Variants in FBXO34 observed in about 807,000 individuals in gnomAD.
FBXO34 encodes the protein F-box only protein 34.
FBXO34 carries 12 observed loss-of-function variants against 24.5 expected under a neutral mutation model. The observed-to-expected ratio is 0.49, with a 90% CI of 0.31 to 0.79. FBXO34 has a LOEUF of 0.79. FBXO34 is among the 30% of genes least tolerant of loss of function. The pLI, the probability that FBXO34 is intolerant of heterozygous loss-of-function variation, is 0.04. For synonymous variants in FBXO34, 320 were observed against 311.9 expected (o/e 1.03, Z -0.27); for missense variants, 823 against 857.7 (o/e 0.96, Z 0.51).
chr14:55,287,759 C>T (rs1202733054), intron 1 of FBXO34, among the ~76,000 whole-genome samples: 13 of 152,210 alleles, frequency 8.5e-5, no homozygotes, highest in African/African-American at 3.1e-4. Flanking sequence ...GCCAGAGTCA[C>T]TTGTCTCATT....
chr14:55,386,116 C>T, the FBXO34 span: 1 of 1,586,236 alleles, frequency 6.3e-7, no homozygotes. Context: ...ATAAATCACA[C>T]CCAACAATTA....
exon 4 of FBXO34, chr14:55,361,862 AGGT>A (rs1884599260): frequency 6.6e-6 from 1 of 152,232 alleles, no homozygotes; most frequent in Non-Finnish European, 1.5e-5. Flanking sequence ...CTTTGACTTA[AGGT>A]AATGTGGCTG....
At chr14:55,314,655 A>G (rs989703400) in intron 1 of FBXO34, among the ~76,000 whole-genome samples, 6 of 152,252 alleles carry the variant, frequency 3.9e-5, no homozygotes, top group African/African-American at 1.4e-4. Flanking sequence ...TTATACAGCA[A>G]TAAATTTTTG....
At chr14:55,300,389 C>T in intron 1 of FBXO34, among the ~76,000 whole-genome samples, 1 of 152,122 alleles carries the variant, frequency 6.6e-6, no homozygotes, top group East Asian at 1.9e-4. Flanking sequence ...TCAGGAGTTC[C>T]AGACCAGCGT....
chr14:55,279,785 A>G (rs926135638), intron 1 of FBXO34, among the ~76,000 whole-genome samples: 1 of 152,214 alleles, frequency 6.6e-6, no homozygotes, highest in African/African-American at 2.4e-5. Flanking sequence ...CCTCCTAACC[A>G]GCATCATGGG....
chr14:55,296,770 T>A (rs1283245948), intron 1 of FBXO34, among the ~76,000 whole-genome samples: 1 of 152,180 alleles, frequency 6.6e-6, no homozygotes, highest in Non-Finnish European at 1.5e-5. Context: ...AGTCTTCCCC[T>A]ACCTACTATA....
At chr14:55,273,854 G>A (rs533324002) in intron 1 of FBXO34, among the ~76,000 whole-genome samples, 1 of 152,146 alleles carries the variant, frequency 6.6e-6, no homozygotes, top group East Asian at 1.9e-4. Context: ...CACCCAGGCT[G>A]GAGTGCAGTG....
At chr14:55,422,916 A>G in the FBXO34 span, among the ~76,000 whole-genome samples, 4 of 152,124 alleles carry the variant, frequency 2.6e-5, no homozygotes, top group Non-Finnish European at 5.9e-5. Flanking sequence ...TGACATAGAA[A>G]AGAGTCTGAA....
the FBXO34 span, among the ~76,000 whole-genome samples, chr14:55,421,060 CAAAAAA>C: frequency 5.6e-5 from 6 of 107,566 alleles, no homozygotes; most frequent in South Asian, 3.3e-4. Context: ...GAATCTGTCT[CAAAAAA>C]AAAAAAAAAA....
intron 1 of FBXO34, among the ~76,000 whole-genome samples, chr14:55,327,110 G>T (rs912033050): frequency 6.6e-6 from 1 of 152,148 alleles, no homozygotes; most frequent in African/African-American, 2.4e-5. Context: ...GACAGTCAGG[G>T]AGTGCCTCTC....
rs189415337 is a variant in FBXO34, at chr14:55,280,957, C to A, written c.-11+9420C>A. ...TGTAATTTACCATTTTCTAGTTAGC[C>A]ACATTAAAAAAGGAAAAAGAAACAG... On this transcript the variant is annotated intron_variant, in intron 1 of 1. Coordinates refer to ENST00000313833, the MANE Select transcript of FBXO34 (RefSeq NM_017943.4). Among the ~76,000 whole-genome samples the A allele has an allele frequency of 1.9e-4, 29 of 151,682 alleles. No homozygotes were observed. In the East Asian group the frequency reaches 4.8e-3, roughly 25 times the overall value.
In FBXO34 at chr14:55,340,361, C is replaced by T. The variant is rs1231393642; in HGVS notation, c.-10-10020C>T. The stretch of plus-strand genomic sequence containing the variant: ...CTGGGCTCAGGCAATCCCATGGTCA[C>T]CTCCCAAATAGGACTACAAATACAG... On this transcript the variant is annotated intron_variant, in intron 1 of 1. Transcript: ENST00000313833. Among the ~76,000 whole-genome samples the T allele has an allele frequency of 2.6e-5, 4 of 152,116 alleles. No individual in the cohort carries two copies. In the South Asian group the frequency reaches 8.3e-4, roughly 32 times the overall value.
At chr14:55,440,997 C>G in the FBXO34 span, among the ~76,000 whole-genome samples, 1 of 152,154 alleles carries the variant, frequency 6.6e-6, no homozygotes, top group African/African-American at 2.4e-5. Context: ...CAGGTACGCA[C>G]CACCATGACC....
At chr14:55,433,461 T>C in the FBXO34 span, among the ~76,000 whole-genome samples, 1 of 152,078 alleles carries the variant, frequency 6.6e-6, no homozygotes, top group South Asian at 2.1e-4. Context: ...CCCAAGTCAG[T>C]ATTTATAGGA....
chr14:55,360,769 G>A (rs1301852514), intron 3 of FBXO34, among the ~76,000 whole-genome samples: 3 of 151,982 alleles, frequency 2.0e-5, no homozygotes, highest in East Asian at 1.9e-4. Flanking sequence ...AGGCCTAGGC[G>A]GGCGGATCAC....
At chr14:55,435,900 A>C in the FBXO34 span, 1 of 1,580,790 alleles carries the variant, frequency 6.3e-7, no homozygotes. Context: ...TTCAGATCCA[A>C]CTTACAGGCC....
chr14:55,339,533 C>G, intron 1 of FBXO34: 1 of 152,118 alleles, frequency 6.6e-6, no homozygotes, highest in East Asian at 1.9e-4. Flanking sequence ...GAATAATACA[C>G]AACAATGAAG....
rs59719421 is a variant in FBXO34 at position 55,351,796 on chromosome 14, C to T, written c.1406C>T (p.Ser469Phe). Residue 469 changes from serine to phenylalanine, a missense_variant, in exon 2 of 2, where the codon TCC (serine) becomes TTC (phenylalanine). Physicochemically the swap from Ser to Phe is radical, Grantham distance 155. Around this residue, in one of 2 missense-constraint regions of FBXO34, gnomAD observed 693 missense variants for 659.1 expected, o/e 1.05. Transcript: ENST00000313833. ...TCCAAGGTAGACAAAGACCAGCCTT[C>T]CATTTTAAACTCCTGTGAAGACCCA... Reference protein sequence around the residue: ...TVSKVDKDQPSILNSCEDPVP... With the variant: ...TVSKVDKDQPFILNSCEDPVP... 2.8e-3 allele frequency: 4,520 copies of T among 1,614,156 alleles called. 126 individuals are homozygous for T. The African/African-American group carries it at 0.054, about 19-fold the overall frequency.
chr14:55,348,140 T>TA (rs1211758304), intron 1 of FBXO34, among the ~76,000 whole-genome samples: 13 of 152,216 alleles, frequency 8.5e-5, no homozygotes, highest in African/African-American at 3.1e-4. Flanking sequence ...GATTAGGCTA[T>TA]AAATTGCCAA....
Sources: gnomAD v4.1 joint callset for allele counts (sites outside exome capture counted in the v4.1 genomes callset) on GRCh38, gnomAD v4.1.1 for gene constraint, gnomAD v4.1.1 regional missense constraint, MANE v1.5 for transcripts, NCBI Gene and HGNC (gene_info 2026-07-23, HGNC 2026-07-21) for gene names.